The following SLC25A48 variants were observed in gnomAD, a reference collection of about 807,000 sequenced individuals.
The protein encoded by SLC25A48 is solute carrier family 25 member 48.
Under a neutral mutation model 32.2 loss-of-function variants are expected in SLC25A48, and 29 were observed. The observed-to-expected ratio is 0.90, with a 90% CI of 0.67 to 1.23. The LOEUF (loss-of-function observed/expected upper bound fraction) is 1.23, where lower values mean the gene tolerates loss of function less well. Ranked by LOEUF, SLC25A48 falls within the 50% of genes most tolerant of loss-of-function variation. The pLI is 0.00. For missense variants in SLC25A48, 399 were observed against 422.7 expected, an observed-to-expected ratio of 0.94 and a Z score of 0.49; for synonymous variants, 164 against 172.3, an observed-to-expected ratio of 0.95 and a Z score of 0.38.
rs931765679 is a variant in SLC25A48, at chr5:135,880,255, C to T, written c.*7+158C>T. 1.1e-4 allele frequency: 123 copies of T among 1,104,934 alleles called. 1 individual carries two copies. In the African/African-American group the frequency reaches 1.8e-3, roughly 16 times the overall value. The allele number at this position is 1,104,934 out of a possible 1,614,324, so 68.4% of individuals were successfully genotyped here. On this transcript the variant is annotated intron_variant, in intron 7 of 7. Coordinates refer to ENST00000681962, the MANE Select transcript of SLC25A48 (RefSeq NM_001349336.2). ...GGCTGCCACCCTTTTCGTCACCAAA[C>T]AGCAGTTCAGAAATGCCCACCAGTG...
intron 3 of SLC25A48, among the ~76,000 whole-genome samples, chr5:135,745,941 C>G (rs554865640): frequency 1.3e-5 from 2 of 152,284 alleles, no homozygotes; most frequent in South Asian, 4.2e-4. Context: ...GTTATTGTCA[C>G]TCAAACTTCT....
chr5:135,781,024 T>G (rs12653490), intron 3 of SLC25A48, among the ~76,000 whole-genome samples: 67,762 of 113,606 alleles, frequency 0.6, 26,962 homozygotes, highest in Middle Eastern at 0.79. Flanking sequence ...AGGGGGGAGA[T>G]GATGATTCTA....
At chr5:135,616,292 C>CA (rs1282118260) in intron 1 of SLC25A48, among the ~76,000 whole-genome samples, 4 of 152,162 alleles carry the variant, frequency 2.6e-5, no homozygotes, top group Non-Finnish European at 5.9e-5. Flanking sequence ...TTGTACCGTG[C>CA]ACCTGGAAAA....
At chr5:135,804,567 A>T (rs1757420414) in intron 3 of SLC25A48, among the ~76,000 whole-genome samples, 1 of 151,668 alleles carries the variant, frequency 6.6e-6, no homozygotes, top group Admixed American at 6.6e-5. Flanking sequence ...TATTACTCCT[A>T]ATATCACAGT....
At position 135,783,789 on chromosome 5, in the gene SLC25A48, C is replaced by T. The variant is rs1756775201; in HGVS notation, c.-520-28734C>T. ...AATATCGCAGCTGGTGTACATCCAC[C>T]CTGTAATATCATTCCTAATATACAG... On this transcript the variant is annotated intron_variant, in intron 3 of 10. Coordinates refer to the SLC25A48 transcript ENST00000646290. 1.7e-5 allele frequency among the ~76,000 whole-genome samples: 2 copies of T among 118,664 alleles called. 1 individual carries two copies. The highest frequency in any genetic ancestry group is 1.7e-4 in the Admixed American group (2 of 11,712). 77.8% of individuals were successfully genotyped at this position (118,664 alleles called of 152,430 possible).
At chr5:135,833,215 G>A (rs1161151817), upstream of SLC25A48, among the ~76,000 whole-genome samples, 1 of 152,244 alleles carries the variant, frequency 6.6e-6, no homozygotes, top group East Asian at 1.9e-4. Flanking sequence ...ACCCACTCCT[G>A]CTCTGCTCCA....
intron 1 of SLC25A48, among the ~76,000 whole-genome samples, chr5:135,604,368 G>A (rs1437441911): frequency 6.6e-6 from 1 of 152,148 alleles, no homozygotes; most frequent in East Asian, 1.9e-4. Flanking sequence ...ACATCCTGTC[G>A]GGCAGGTATA....
At chr5:135,680,673 A>G (rs1168173214) in intron 3 of SLC25A48, among the ~76,000 whole-genome samples, 2 of 152,180 alleles carry the variant, frequency 1.3e-5, no homozygotes, top group Admixed American at 6.5e-5. Flanking sequence ...ATCAGATCTC[A>G]TGAGACTTAT....
chr5:135,594,294 G>C (rs767416372), intron 1 of SLC25A48, among the ~76,000 whole-genome samples: 3 of 152,236 alleles, frequency 2.0e-5, no homozygotes, highest in Admixed American at 6.5e-5. Context: ...AGTGGCTTCA[G>C]TTGGGGATAC....
intron 3 of SLC25A48, among the ~76,000 whole-genome samples, chr5:135,703,545 C>T (rs921294566): frequency 6.6e-6 from 1 of 152,186 alleles, no homozygotes; most frequent in Admixed American, 6.5e-5. Flanking sequence ...CTACCACCCA[C>T]AGTTTTCCCC....
chr5:135,626,670 TAG>T lies in SLC25A48; in HGVS notation c.-848-2564_-848-2563del, dbSNP rs1275129447. Among the ~76,000 whole-genome samples the T allele has an allele frequency of 2.6e-5, 4 of 152,298 alleles. No homozygotes were observed. The East Asian group carries it at 7.7e-4, about 29-fold the overall frequency. ...TTCGGTGCTTCTCTTCAGAATGAAT[TAG>T]AGGGTAATGCCCCAATCTATGCATC... is the stretch of plus-strand genomic sequence containing the variant. On this transcript the variant is annotated intron_variant, in intron 1 of 10. Coordinates refer to the SLC25A48 transcript ENST00000646290.
chr5:135,677,278 G>C (rs1292119638), intron 3 of SLC25A48, among the ~76,000 whole-genome samples: 4 of 151,948 alleles, frequency 2.6e-5, no homozygotes, highest in African/African-American at 9.7e-5. Context: ...GTTTCTGTTT[G>C]CATGAAATAT....
rs1561520836 is a variant in SLC25A48, at chr5:135,838,282, G to A, written c.46+3389G>A. ...GCATTCAAGATGTGATTTTGGTGCT[G>A]CTAAAAGCATTCAGTTTTATGTATT... On this transcript the variant is annotated intron_variant, in intron 1 of 7. Coordinates refer to ENST00000681962, the MANE Select transcript of SLC25A48 (RefSeq NM_001349336.2). Among the ~76,000 whole-genome samples, 6 of 152,228 alleles carry A rather than the reference G, an allele frequency of 3.9e-5. No homozygotes were observed. The South Asian group carries it at 1.2e-3, about 31-fold the overall frequency.
At chr5:135,601,532 T>C (rs1294563371) in intron 1 of SLC25A48, among the ~76,000 whole-genome samples, 1 of 152,162 alleles carries the variant, frequency 6.6e-6, no homozygotes, top group East Asian at 1.9e-4. Flanking sequence ...GGAGAAAGTG[T>C]CACTCTCCCC....
chr5:135,605,737 G>C (rs1157683264), intron 1 of SLC25A48, among the ~76,000 whole-genome samples: 2 of 152,150 alleles, frequency 1.3e-5, no homozygotes, highest in African/African-American at 4.8e-5. Context: ...GTCTCTGACT[G>C]GGTGAGATAT....
At chr5:135,815,449 TCAGTACCAGTC>T (rs1377173529) in intron 4 of SLC25A48, among the ~76,000 whole-genome samples, 3 of 152,080 alleles carry the variant, frequency 2.0e-5, no homozygotes, top group Non-Finnish European at 4.4e-5. Context: ...AGGCCACAAA[TCAGTACCAGTC>T]CATGGCCTAG....
chr5:135,842,051 T>C (rs1759046866), intron 1 of SLC25A48, among the ~76,000 whole-genome samples: 1 of 152,226 alleles, frequency 6.6e-6, no homozygotes, highest in Non-Finnish European at 1.5e-5. Context: ...AAGATTTTTT[T>C]CTATGTTTTA....
At chr5:135,780,209 C>T (rs540886075) in intron 3 of SLC25A48, among the ~76,000 whole-genome samples, 4 of 86,086 alleles carry the variant, frequency 4.6e-5, no homozygotes, top group Admixed American at 1.4e-4. Context: ...GCCTCAGCCT[C>T]TCAAGTAGCT....
chr5:135,756,712 G>A (rs1036957044), intron 3 of SLC25A48, among the ~76,000 whole-genome samples: 8 of 150,944 alleles, frequency 5.3e-5, no homozygotes, highest in Non-Finnish European at 1.0e-4. Context: ...AATATGTAGT[G>A]TTAACACACA....
Sources: allele counts gnomAD v4.1 joint callset (sites outside exome capture counted in the v4.1 genomes callset), GRCh38; gene constraint gnomAD v4.1.1; transcripts MANE v1.5; gene names NCBI Gene and HGNC (gene_info 2026-07-23, HGNC 2026-07-21).